Variants in KAT2B observed in about 807,000 individuals in gnomAD.
KAT2B encodes histone acetyltransferase KAT2B.
A neutral mutation model predicts 105.9 loss-of-function variants in KAT2B; 36 were observed. That is an observed-to-expected ratio of 0.34 (90% CI 0.26 to 0.45). KAT2B has a LOEUF of 0.45. Among genes scored for constraint, KAT2B ranks in the 20% least tolerant of loss-of-function variants. The pLI is 1.00. For synonymous variants in KAT2B, 397 were observed against 377.9 expected (o/e 1.05, Z -0.59); for missense variants, 820 against 1,021.6 (o/e 0.80, Z 2.69).
chr3:20,063,244 T>G (rs1698167467), intron 1 of KAT2B, among the ~76,000 whole-genome samples: 1 of 151,976 alleles, frequency 6.6e-6, no homozygotes, highest in Admixed American at 6.6e-5. Context: ...ATTTTTAAAA[T>G]TTTTGTAGAG....
intron 1 of KAT2B, among the ~76,000 whole-genome samples, chr3:20,063,254 G>A (rs996003263): frequency 1.3e-5 from 2 of 151,826 alleles, no homozygotes; most frequent in Admixed American, 1.3e-4. Flanking sequence ...TTTTTGTAGA[G>A]ATGGAGTCTT....
chr3:20,089,282 G>A (rs1196110694), intron 2 of KAT2B, among the ~76,000 whole-genome samples: 2 of 152,024 alleles, frequency 1.3e-5, no homozygotes, highest in African/African-American at 4.8e-5. Flanking sequence ...TTGGAATTTT[G>A]ATAGGGATTG....
intron 1 of KAT2B, among the ~76,000 whole-genome samples, chr3:20,052,445 G>A (rs1361992624): frequency 6.6e-6 from 1 of 151,958 alleles, no homozygotes; most frequent in African/African-American, 2.4e-5. Flanking sequence ...TCATATCTCG[G>A]GTGGATCATA....
At chr3:20,129,007 C>CA (rs534566854) in intron 11 of KAT2B, among the ~76,000 whole-genome samples, 13,484 of 56,866 alleles carry the variant, frequency 0.24, 1,491 homozygotes, top group East Asian at 0.31. Context: ...AACTCCATCT[C>CA]AAAAAAAAAA....
chr3:20,128,500 T>C (rs1699450569), intron 11 of KAT2B, among the ~76,000 whole-genome samples: 1 of 152,166 alleles, frequency 6.6e-6, no homozygotes, highest in Non-Finnish European at 1.5e-5. Context: ...TGTTTTGTTT[T>C]TTTTTGTTGC....
intron 1 of KAT2B, among the ~76,000 whole-genome samples, chr3:20,048,480 G>A (rs556234194): frequency 1.3e-5 from 2 of 152,170 alleles, no homozygotes; most frequent in Admixed American, 1.3e-4. Context: ...CAGTTGCCTC[G>A]GTGTTAGCCA....
At chr3:20,090,898 C>T (rs950838187) in intron 2 of KAT2B, among the ~76,000 whole-genome samples, 8 of 152,140 alleles carry the variant, frequency 5.3e-5, no homozygotes, top group Admixed American at 1.3e-4. Context: ...TGACACCACA[C>T]CTGCCTAATT....
rs762933079 is a variant in KAT2B at position 20,111,575 on chromosome 3, G to T, written c.852-21G>T. The T allele has an allele frequency of 6.3e-6, 10 of 1,594,124 alleles. No homozygotes were observed. The Middle Eastern group carries it at 1.0e-3, about 166-fold the overall frequency. ...TGGGGGTTTATGGGATATTGATGGT[G>T]CTTGACTTCTCTTGTCACAGGTGGC... On this transcript the variant is annotated intron_variant, in intron 5 of 17. Transcript: ENST00000263754.
chr3:20,106,475 TCTCA>T (rs1225835915), intron 5 of KAT2B, among the ~76,000 whole-genome samples: 2 of 151,680 alleles, frequency 1.3e-5, no homozygotes, highest in Non-Finnish European at 2.9e-5. Context: ...ATTCTGTCTC[TCTCA>T]CACACACACA....
chr3:20,062,404 TTATATATTATATATTATTATATATAA>T (rs1453442667), intron 1 of KAT2B, among the ~76,000 whole-genome samples: 1 of 91,606 alleles, frequency 1.1e-5, no homozygotes, highest in Non-Finnish European at 2.0e-5. Context: ...AAATTATATA[TTATATATTATATATTATTATATATAA>T]TATATAATAT....
Position 20,152,360 on chromosome 3 carries a change from G to T in KAT2B, c.2334G>T (p.Lys778Asn), listed in dbSNP as rs1409046492. 4.3e-6 allele frequency: 7 copies of T among 1,613,140 alleles called. No homozygotes were observed. The highest frequency in any genetic ancestry group is 1.1e-5 in the South Asian group (1 of 91,016). ...TGAAAACCATGAGTGAACGCCTCAA[G>T]AATAGGTACTACGTGTCTAAGAAAT... ...MDLKTMSERL[K>N]NRYYVSKKLF... Residue 778 changes from lysine (K) to asparagine (N), a missense_variant, in exon 18 of 18, where the codon AAG becomes AAT. This residue lies in a region of KAT2B where 227 missense variants were observed against 292.9 expected (regional missense o/e 0.77). Transcript: ENST00000263754.
At chr3:20,095,651 T>C (rs1698795735) in intron 3 of KAT2B, among the ~76,000 whole-genome samples, 1 of 152,202 alleles carries the variant, frequency 6.6e-6, no homozygotes. Flanking sequence ...CATATGCAAA[T>C]AGATTTTTTC....
At chr3:20,092,989 C>T (rs889692183) in intron 2 of KAT2B, among the ~76,000 whole-genome samples, 6 of 152,014 alleles carry the variant, frequency 3.9e-5, no homozygotes, top group Non-Finnish European at 8.8e-5. Context: ...TGTGAGCCAC[C>T]GTGCCCAGCC....
At chr3:20,058,186 G>A (rs745950332) in intron 1 of KAT2B, among the ~76,000 whole-genome samples, 17 of 152,002 alleles carry the variant, frequency 1.1e-4, no homozygotes, top group Non-Finnish European at 2.2e-4. Context: ...AGCCAGGTGC[G>A]GTGGCTCACG....
At chr3:20,144,122 C>T (rs916727450) in intron 13 of KAT2B, among the ~76,000 whole-genome samples, 2 of 152,042 alleles carry the variant, frequency 1.3e-5, no homozygotes, top group African/African-American at 2.4e-5. Context: ...TCTCAGGAGC[C>T]CACAATCTTT....
At chr3:20,065,341 G>A (rs1275085885) in intron 1 of KAT2B, among the ~76,000 whole-genome samples, 3 of 152,190 alleles carry the variant, frequency 2.0e-5, no homozygotes, top group Non-Finnish European at 2.9e-5. Flanking sequence ...CTTCATTAAA[G>A]CTGCAAGGCC....
chr3:20,150,357 T>C (rs1575163306), intron 17 of KAT2B, among the ~76,000 whole-genome samples: 1 of 152,360 alleles, frequency 6.6e-6, no homozygotes, highest in East Asian at 1.9e-4. Flanking sequence ...TTGATTTTTC[T>C]AATAACATTA....
At chr3:20,107,941 TG>T (rs1699051791) in intron 5 of KAT2B, among the ~76,000 whole-genome samples, 1 of 151,036 alleles carries the variant, frequency 6.6e-6, no homozygotes, top group African/African-American at 2.4e-5. Flanking sequence ...GCCAAGTAGC[TG>T]GGACTACAGG....
intron 1 of KAT2B, among the ~76,000 whole-genome samples, chr3:20,063,383 G>A (rs1279348095): frequency 6.6e-6 from 1 of 150,780 alleles, no homozygotes; most frequent in African/African-American, 2.4e-5. Flanking sequence ...ACCATTGCCT[G>A]ATCTAGTATC....
Sources: allele counts gnomAD v4.1 joint callset (sites outside exome capture counted in the v4.1 genomes callset), GRCh38; gene constraint gnomAD v4.1.1; regional missense constraint gnomAD v4.1.1; transcripts MANE v1.5; gene names NCBI Gene and HGNC (gene_info 2026-07-23, HGNC 2026-07-21).